ATXN7L1: variants seen among roughly 807,000 people sequenced by gnomAD.
The protein encoded by ATXN7L1 is ataxin-7-like protein 1.
A neutral mutation model predicts 70.8 loss-of-function variants in ATXN7L1; 15 were observed. That is an observed-to-expected ratio of 0.21 (90% CI 0.14 to 0.33). The LOEUF (loss-of-function observed/expected upper bound fraction) is 0.33, where lower values mean the gene tolerates loss of function less well. Ranked by LOEUF, ATXN7L1 falls within the 10% of genes least tolerant of loss-of-function variation. ATXN7L1 has a pLI of 1.00. For synonymous variants in ATXN7L1, 440 were observed against 445.1 expected (o/e 0.99, Z 0.14); for missense variants, 975 against 1,097.1 (o/e 0.89, Z 1.57).
intron 3 of ATXN7L1, among the ~76,000 whole-genome samples, chr7:105,693,449 C>T (rs1791276150): frequency 1.3e-5 from 2 of 152,140 alleles, no homozygotes; most frequent in Admixed American, 1.3e-4. Flanking sequence ...GCTTGGGCCT[C>T]CAAAGTGCTG....
Position 105,607,751 on chromosome 7 carries a change from G to A in ATXN7L1, c.*101C>T. On this transcript the variant is annotated 3_prime_UTR_variant, in exon 12 of 12. Transcript: ENST00000419735. ...AGTCACAGGGAGTGCACAGAAAACAGACTCTCCCCCCAGCCCACTCCCCTC... is the reference window on the plus strand; with the variant it reads ...AGTCACAGGGAGTGCACAGAAAACAAACTCTCCCCCCAGCCCACTCCCCTC... The A allele has an allele frequency of 1.9e-6, 2 of 1,073,680 alleles. No individual in the cohort carries two copies. The highest frequency in any genetic ancestry group is 2.6e-5 in the East Asian group (1 of 38,616). 66.5% of individuals were successfully genotyped at this position (1,073,680 alleles called of 1,614,324 possible).
chr7:105,832,320 CTGAA>C (rs1390888630), intron 2 of ATXN7L1, among the ~76,000 whole-genome samples: 1 of 152,140 alleles, frequency 6.6e-6, no homozygotes, highest in Non-Finnish European at 1.5e-5. Flanking sequence ...CTCAAGAGCT[CTGAA>C]ACCAAGTTTT....
intron 3 of ATXN7L1, among the ~76,000 whole-genome samples, chr7:105,678,831 T>C (rs1225781528): frequency 6.6e-6 from 1 of 152,216 alleles, no homozygotes; most frequent in Non-Finnish European, 1.5e-5. Context: ...CTCCTACTCC[T>C]GACCTCTTTC....
At chr7:105,740,477 A>C (rs1563055170) in intron 3 of ATXN7L1, among the ~76,000 whole-genome samples, 2 of 152,178 alleles carry the variant, frequency 1.3e-5, no homozygotes, top group Admixed American at 1.3e-4. Flanking sequence ...AATTGCTTGG[A>C]AAGCACTCAC....
At chr7:105,629,682 A>G (rs1375830715) in intron 7 of ATXN7L1, among the ~76,000 whole-genome samples, 1 of 150,416 alleles carries the variant, frequency 6.6e-6, no homozygotes, top group Non-Finnish European at 1.5e-5. Flanking sequence ...CGCCCGGCTA[A>G]TTTTTTTGTA....
At chr7:105,844,689 C>T (rs919557147) in intron 2 of ATXN7L1, among the ~76,000 whole-genome samples, 2 of 152,164 alleles carry the variant, frequency 1.3e-5, no homozygotes, top group Non-Finnish European at 2.9e-5. Flanking sequence ...TCCACTCTCA[C>T]CATCAGTACT....
intron 3 of ATXN7L1, 54 bp downstream of exon 3, chr7:105,788,550 C>G (rs939650407): frequency 7.0e-7 from 1 of 1,433,748 alleles, no homozygotes; most frequent in African/African-American, 1.4e-5. Context: ...GGGAAGGCGA[C>G]TGTCCCCAGG....
intron 9 of ATXN7L1, chr7:105,617,868 C>T (rs576454396): frequency 2.4e-5 from 11 of 452,328 alleles, no homozygotes; most frequent in East Asian, 1.4e-4. Flanking sequence ...GAGTCTTGGC[C>T]GTTCCTTTTC....
At chr7:105,848,418 C>T (rs1309954650) in intron 2 of ATXN7L1, among the ~76,000 whole-genome samples, 2 of 152,092 alleles carry the variant, frequency 1.3e-5, no homozygotes, top group African/African-American at 2.4e-5. Flanking sequence ...TGAATGTGTG[C>T]AAAAATTTAG....
chr7:105,632,270 G>C (rs1351548960), intron 7 of ATXN7L1, among the ~76,000 whole-genome samples: 1 of 152,162 alleles, frequency 6.6e-6, no homozygotes, highest in Non-Finnish European at 1.5e-5. Context: ...TATCTTCAAA[G>C]ATATTAGGAT....
intron 7 of ATXN7L1, among the ~76,000 whole-genome samples, chr7:105,629,039 C>A (rs1234773286): frequency 6.6e-6 from 1 of 151,800 alleles, no homozygotes; most frequent in Non-Finnish European, 1.5e-5. Context: ...AGCAATCACT[C>A]ACTGTATTCA....
intron 3 of ATXN7L1, among the ~76,000 whole-genome samples, chr7:105,754,201 G>A (rs1221830774): frequency 6.6e-6 from 1 of 152,116 alleles, no homozygotes; most frequent in Non-Finnish European, 1.5e-5. Context: ...ACAGAGCACA[G>A]GTGGTCGACC....
intron 3 of ATXN7L1, among the ~76,000 whole-genome samples, chr7:105,739,229 T>C (rs537524995): frequency 3.9e-5 from 6 of 152,278 alleles, no homozygotes; most frequent in Admixed American, 1.3e-4. Flanking sequence ...AATCACGCTT[T>C]TTGCCATTTT....
chr7:105,733,362 T>C (rs965772489), intron 3 of ATXN7L1, among the ~76,000 whole-genome samples: 9 of 152,254 alleles, frequency 5.9e-5, no homozygotes, highest in Non-Finnish European at 1.0e-4. Flanking sequence ...AGTATATGCA[T>C]AGACAAGCAG....
intron 2 of ATXN7L1, among the ~76,000 whole-genome samples, chr7:105,849,275 ACAC>A (rs1258597641): frequency 6.6e-6 from 1 of 152,196 alleles, no homozygotes; most frequent in Admixed American, 6.5e-5. Context: ...CTCCTTGACA[ACAC>A]CACAACTGCC....
rs796649611 is a variant in ATXN7L1 at position 105,733,561 on chromosome 7, T to C, written c.355+55043A>G. Among the ~76,000 whole-genome samples the C allele has an allele frequency of 2.5e-4, 12 of 48,142 alleles. 2 individuals are homozygous for C. The highest frequency in any genetic ancestry group is 3.0e-4 in the African/African-American group (4 of 13,408). 31.6% of individuals were successfully genotyped at this position (48,142 alleles called of 152,430 possible). On this transcript the variant is annotated intron_variant, in intron 3 of 11. Coordinates refer to ENST00000419735, the MANE Select transcript of ATXN7L1 (RefSeq NM_020725.2). The stretch of plus-strand genomic sequence containing the variant: ...ATCCACCCATCCATCCATCCACCCA[T>C]CCATCCTTCCATCCATCCACCCATC...
chr7:105,734,636 GT>G lies in ATXN7L1; in HGVS notation c.355+53967del, dbSNP rs59456850. ...TGAAGTTTTAGCAACCTCCTTTCAT[GT>G]TTTTTTTTTTTTTTAACCTGGCTGG... On this transcript the variant is annotated intron_variant, in intron 3 of 11. Transcript: ENST00000419735. 5.5e-3 allele frequency among the ~76,000 whole-genome samples: 776 copies of G among 141,666 alleles called. 1 individual carries two copies. The highest frequency in any genetic ancestry group is 6.9e-3 in the Non-Finnish European group (449 of 64,676). The allele number at this position is 141,666 out of a possible 152,430, so 92.9% of individuals were successfully genotyped here. A position where few individuals can be genotyped will look rare whatever the true frequency, so the allele number is the denominator to read the frequency against.
chr7:105,618,558 G>A (rs555582943), intron 9 of ATXN7L1, among the ~76,000 whole-genome samples: 4 of 152,280 alleles, frequency 2.6e-5, no homozygotes, highest in South Asian at 4.1e-4. Flanking sequence ...CTAAGGTGTC[G>A]TAGCTGCCTG....
chr7:105,639,899 C>T (rs796656966), intron 5 of ATXN7L1, among the ~76,000 whole-genome samples: 3 of 152,196 alleles, frequency 2.0e-5, no homozygotes, highest in Admixed American at 6.5e-5. Flanking sequence ...ATGCTCTTAA[C>T]GCTTTATTTT....
Sources: gnomAD v4.1 joint callset for allele counts (sites outside exome capture counted in the v4.1 genomes callset) on GRCh38, gnomAD v4.1.1 for gene constraint, MANE v1.5 for transcripts, NCBI Gene and HGNC (gene_info 2026-07-23, HGNC 2026-07-21) for gene names.